Variants in MAGI1 observed in about 807,000 individuals in gnomAD.
The protein encoded by MAGI1 is membrane associated guanylate kinase, WW and PDZ domain containing 1.
MAGI1 carries 58 observed loss-of-function variants against 139.9 expected under a neutral mutation model. The ratio of observed to expected loss-of-function variants is 0.41; its 90% CI spans 0.34 to 0.52. The LOEUF is 0.52. MAGI1 is among the 20% of genes least tolerant of loss of function. The pLI is 0.12. For synonymous variants in MAGI1, 812 were observed against 737.9 expected (o/e 1.10, Z -1.63); for missense variants, 1,874 against 1,901.6 (o/e 0.99, Z 0.27).
intron 1 of MAGI1, among the ~76,000 whole-genome samples, chr3:65,852,790 A>G (rs2059248480): frequency 6.6e-6 from 1 of 151,850 alleles, no homozygotes; most frequent in African/African-American, 2.4e-5. Flanking sequence ...GGCGTGAGCC[A>G]CTGCACCTGG....
chr3:65,865,317 C>T (rs1049359015), intron 1 of MAGI1, among the ~76,000 whole-genome samples: 1 of 152,140 alleles, frequency 6.6e-6, no homozygotes, highest in South Asian at 2.1e-4. Context: ...AAAAAAAGCA[C>T]TGACCACGTG....
At chr3:65,498,358 A>C (rs1486747138) in intron 2 of MAGI1, among the ~76,000 whole-genome samples, 1 of 151,816 alleles carries the variant, frequency 6.6e-6, no homozygotes, top group Non-Finnish European at 1.5e-5. Context: ...CTCTTTTTCT[A>C]GCTAGAAATT....
chr3:65,857,390 C>T (rs1296964977), intron 1 of MAGI1, among the ~76,000 whole-genome samples: 2 of 152,160 alleles, frequency 1.3e-5, no homozygotes, highest in Admixed American at 1.3e-4. Context: ...TTCATTATCA[C>T]CCTATGATTG....
intron 1 of MAGI1, chr3:65,844,506 T>A (rs971011033): frequency 3.7e-6 from 1 of 267,680 alleles, no homozygotes; most frequent in Admixed American, 5.1e-5. Flanking sequence ...CACTACAAGC[T>A]ATGTCCTCTT....
chr3:65,718,068 C>G (rs537451756), intron 1 of MAGI1, among the ~76,000 whole-genome samples: 3 of 152,284 alleles, frequency 2.0e-5, no homozygotes, highest in East Asian at 1.9e-4. Flanking sequence ...ATCCCTGTAC[C>G]TACACTCGGG....
chr3:65,427,103 C>T (rs34339348), intron 12 of MAGI1, among the ~76,000 whole-genome samples: 21,779 of 152,080 alleles, frequency 0.14, 1,981 homozygotes, highest in African/African-American at 0.26. Context: ...CCCTTGAGCG[C>T]GGGAGTTCGA....
intron 16 of MAGI1, chr3:65,380,960 T>C (rs1019220019): frequency 2.6e-5 from 4 of 152,202 alleles, no homozygotes; most frequent in Non-Finnish European, 5.9e-5. Flanking sequence ...ATTAATTTTA[T>C]CTGACAGGTA....
At chr3:66,011,871 G>A (rs2067338296) in intron 1 of MAGI1, among the ~76,000 whole-genome samples, 1 of 150,748 alleles carries the variant, frequency 6.6e-6, no homozygotes, top group Non-Finnish European at 1.5e-5. Context: ...GAGAGATAGT[G>A]AAGTATGGCC....
At chr3:65,778,257 T>A (rs906057210) in intron 1 of MAGI1, among the ~76,000 whole-genome samples, 2 of 151,786 alleles carry the variant, frequency 1.3e-5, no homozygotes, top group African/African-American at 4.8e-5. Flanking sequence ...TGGTGAAACT[T>A]TGTCTCTACT....
At chr3:65,845,467 T>C (rs1259949060) in intron 1 of MAGI1, among the ~76,000 whole-genome samples, 1 of 152,178 alleles carries the variant, frequency 6.6e-6, no homozygotes, top group Non-Finnish European at 1.5e-5. Context: ...CTGGAATGCA[T>C]GAGATAATTC....
chr3:65,484,583 C>T (rs540625143), intron 3 of MAGI1, among the ~76,000 whole-genome samples: 7 of 152,268 alleles, frequency 4.6e-5, no homozygotes, highest in South Asian at 2.1e-4. Flanking sequence ...CTTGGCCTCA[C>T]GGTCCTGAGT....
chr3:65,501,336 G>A (rs2077070337), intron 2 of MAGI1, among the ~76,000 whole-genome samples: 1 of 151,478 alleles, frequency 6.6e-6, no homozygotes, highest in African/African-American at 2.4e-5. Flanking sequence ...AAAATTAGTG[G>A]TGGCAGGCAC....
intron 1 of MAGI1, among the ~76,000 whole-genome samples, chr3:65,640,165 T>C (rs1271952751): frequency 6.6e-6 from 1 of 151,948 alleles, no homozygotes; most frequent in Non-Finnish European, 1.5e-5. Flanking sequence ...GGTCTTGGGA[T>C]GTGCCAGTCT....
At chr3:65,898,141 T>C (rs1004059275) in intron 1 of MAGI1, among the ~76,000 whole-genome samples, 8 of 152,172 alleles carry the variant, frequency 5.3e-5, no homozygotes, top group African/African-American at 1.9e-4. Context: ...TACGATTTGG[T>C]TTAATGTTTT....
At chr3:65,588,636 C>G (rs1191652292) in intron 2 of MAGI1, among the ~76,000 whole-genome samples, 3 of 152,080 alleles carry the variant, frequency 2.0e-5, no homozygotes, top group Non-Finnish European at 4.4e-5. Flanking sequence ...TCTCTGAGTT[C>G]TCTTGCAATA....
rs1356404437 is a variant in MAGI1, at chr3:65,657,577, A to G, written c.314-35489T>C. 4.6e-5 allele frequency among the ~76,000 whole-genome samples: 7 copies of G among 152,174 alleles called. No homozygotes were observed. The East Asian group carries it at 1.3e-3, about 29-fold the overall frequency. ...GGGAGCCAGTTGTACTTATTGCCCA[A>G]ATGAACACCACTCTCTGTTAAAGGA... On this transcript the variant is annotated intron_variant, in intron 1 of 22. Transcript: ENST00000402939.
At chr3:65,951,232 C>A (rs1410560557) in intron 1 of MAGI1, among the ~76,000 whole-genome samples, 2 of 152,146 alleles carry the variant, frequency 1.3e-5, no homozygotes, top group Non-Finnish European at 2.9e-5. Context: ...GCTGCATGGT[C>A]CAATATGGTA....
intron 1 of MAGI1, among the ~76,000 whole-genome samples, chr3:65,701,286 C>G (rs2089589006): frequency 6.6e-6 from 1 of 152,110 alleles, no homozygotes; most frequent in African/African-American, 2.4e-5. Context: ...GAGTCTTGCT[C>G]TTGTCGCCCA....
chr3:65,797,677 C>T (rs981187528), intron 1 of MAGI1, among the ~76,000 whole-genome samples: 39 of 152,144 alleles, frequency 2.6e-4, no homozygotes, highest in African/African-American at 9.2e-4. Flanking sequence ...GATCACACCA[C>T]TGCACTCCAG....
Sources: allele counts gnomAD v4.1 joint callset (sites outside exome capture counted in the v4.1 genomes callset), GRCh38; gene constraint gnomAD v4.1.1; transcripts MANE v1.5; gene names NCBI Gene and HGNC (gene_info 2026-07-23, HGNC 2026-07-21).